The following NAV2 variants were observed in gnomAD, a reference collection of about 807,000 sequenced individuals.
NAV2 encodes neuron navigator 2.
NAV2 carries 54 observed loss-of-function variants against 223.2 expected under a neutral mutation model. The observed-to-expected ratio is 0.24, with a 90% confidence interval of 0.19 to 0.30. The LOEUF is 0.30. Ranked by LOEUF, NAV2 falls within the 10% of genes least tolerant of loss-of-function variation. NAV2 has a pLI of 1.00. For synonymous variants in NAV2, 1,279 were observed against 1,239.3 expected (o/e 1.03, Z -0.67); for missense variants, 2,806 against 3,147.5 (o/e 0.89, Z 2.60).
At chr11:20,057,922 A>G (rs1215138877) in intron 19 of NAV2, among the ~76,000 whole-genome samples, 11 of 152,226 alleles carry the variant, frequency 7.2e-5, no homozygotes, top group African/African-American at 2.4e-5. Context: ...TGTAAACCTA[A>G]TGATTCATGG....
At chr11:19,709,654 A>T (rs2049802237), upstream of NAV2, among the ~76,000 whole-genome samples, 1 of 151,094 alleles carries the variant, frequency 6.6e-6, no homozygotes, top group Non-Finnish European at 1.5e-5. Context: ...GACCAATATG[A>T]CGAAACCCCG....
At chr11:19,978,444 T>A (rs563112420) in intron 10 of NAV2, among the ~76,000 whole-genome samples, 1 of 152,298 alleles carries the variant, frequency 6.6e-6, no homozygotes, top group South Asian at 2.1e-4. Flanking sequence ...CAACAAAGTA[T>A]GTGTTGATAT....
chr11:20,114,008 C>T (rs970990640), intron 36 of NAV2, among the ~76,000 whole-genome samples: 7 of 152,162 alleles, frequency 4.6e-5, no homozygotes, highest in African/African-American at 1.7e-4. Flanking sequence ...AAAACCTTGT[C>T]TCAATACAAA....
At chr11:19,753,171 G>A (rs2053971471) in intron 1 of NAV2, among the ~76,000 whole-genome samples, 1 of 152,104 alleles carries the variant, frequency 6.6e-6, no homozygotes, top group Non-Finnish European at 1.5e-5. Flanking sequence ...CCAGTCTACG[G>A]TATTCTGTTA....
intron 1 of NAV2, among the ~76,000 whole-genome samples, chr11:19,526,545 C>T (rs1028300766): frequency 5.3e-5 from 8 of 152,126 alleles, no homozygotes; most frequent in African/African-American, 1.9e-4. Context: ...TCACTGCACA[C>T]TCCAGGATTG....
intron 1 of NAV2, among the ~76,000 whole-genome samples, chr11:19,597,786 G>A (rs750923769): frequency 6.6e-6 from 1 of 152,218 alleles, no homozygotes; most frequent in Non-Finnish European, 1.5e-5. Flanking sequence ...GGGGAGGATC[G>A]GGGATGCGTG....
chr11:19,465,951 C>G (rs756998039), intron 1 of NAV2, among the ~76,000 whole-genome samples: 1 of 152,140 alleles, frequency 6.6e-6, no homozygotes, highest in South Asian at 2.1e-4. Flanking sequence ...GATCAGAGAG[C>G]ACCAACTGTT....
intron 3 of NAV2, among the ~76,000 whole-genome samples, chr11:19,867,994 A>G (rs2062199664): frequency 6.6e-6 from 1 of 152,182 alleles, no homozygotes. Context: ...TATACTGTGG[A>G]AGGCAATCAT....
At chr11:19,634,460 A>G (rs2047434748) in intron 1 of NAV2, among the ~76,000 whole-genome samples, 1 of 152,230 alleles carries the variant, frequency 6.6e-6, no homozygotes, top group Non-Finnish European at 1.5e-5. Flanking sequence ...CCTGTGTAAT[A>G]AACCTTCACA....
At chr11:19,983,937 G>C (rs924644156) in intron 10 of NAV2, among the ~76,000 whole-genome samples, 188 bp from the exon 11 acceptor site, 1 of 152,130 alleles carries the variant, frequency 6.6e-6, no homozygotes, top group East Asian at 1.9e-4. Context: ...TAGCGAGCTG[G>C]GGATCCTCTA....
intron 1 of NAV2, among the ~76,000 whole-genome samples, chr11:19,440,732 G>C (rs1043521800): frequency 6.6e-6 from 1 of 152,138 alleles, no homozygotes; most frequent in African/African-American, 2.4e-5. Context: ...CACACCTCCT[G>C]GCATCGACTA....
At chr11:19,887,974 T>C (rs1393103956) in intron 5 of NAV2, among the ~76,000 whole-genome samples, 1 of 151,100 alleles carries the variant, frequency 6.6e-6, no homozygotes, top group African/African-American at 2.4e-5. Context: ...CATCAGCACG[T>C]ACATCGCGTG....
At chr11:19,848,688 C>T (rs1447854047) in intron 3 of NAV2, among the ~76,000 whole-genome samples, 1 of 152,192 alleles carries the variant, frequency 6.6e-6, no homozygotes, top group Non-Finnish European at 1.5e-5. Context: ...TTGCTGGCCA[C>T]AGAGTTGCTG....
At chr11:20,106,201 A>G (rs1367521030) in intron 35 of NAV2, among the ~76,000 whole-genome samples, 1,524 of 33,026 alleles carry the variant, frequency 0.046, 333 homozygotes, top group South Asian at 0.12. Context: ...ATATATATAT[A>G]TATATATATA....
chr11:19,523,910 C>G (rs1484569510), intron 1 of NAV2, among the ~76,000 whole-genome samples: 2 of 152,198 alleles, frequency 1.3e-5, no homozygotes, highest in East Asian at 3.8e-4. Flanking sequence ...GTTTATAATG[C>G]CTTCCTTCAC....
chr11:20,028,344 G>A (rs1240286138), intron 11 of NAV2, among the ~76,000 whole-genome samples: 3 of 152,126 alleles, frequency 2.0e-5, no homozygotes, highest in African/African-American at 7.2e-5. Context: ...TTCCATGTTT[G>A]AATGGATTTT....
intron 1 of NAV2, among the ~76,000 whole-genome samples, chr11:19,831,201 T>A (rs1297128010): frequency 1.8e-5 from 2 of 111,316 alleles, no homozygotes; most frequent in South Asian, 3.6e-4. Context: ...CCCCGGCTCC[T>A]GTTCCCATTC....
intron 19 of NAV2, among the ~76,000 whole-genome samples, chr11:20,061,971 T>C (rs2058737800): frequency 1.3e-5 from 2 of 152,198 alleles, no homozygotes; most frequent in Non-Finnish European, 2.9e-5. Flanking sequence ...GGCAATGCAA[T>C]TGTGAGTCAG....
chr11:20,105,374 CAT>C (rs1186481251), intron 34 of NAV2, 155 bp from the exon 35 acceptor site: 3 of 579,776 alleles, frequency 5.2e-6, no homozygotes, highest in Non-Finnish European at 9.1e-6. Flanking sequence ...TGAGTTAATA[CAT>C]AGTTACAATG....
Sources: gnomAD v4.1 joint callset for allele counts (sites outside exome capture counted in the v4.1 genomes callset) on GRCh38, gnomAD v4.1.1 for gene constraint, MANE v1.5 for transcripts, NCBI Gene and HGNC (gene_info 2026-07-23, HGNC 2026-07-21) for gene names.